The following PEX5L variants were observed in gnomAD, a reference collection of about 807,000 sequenced individuals.
PEX5L encodes peroxisomal biogenesis factor 5 like.
In PEX5L, 30 loss-of-function variants were observed where a neutral mutation model predicts 84.0. The ratio of observed to expected loss-of-function variants is 0.36; its 90% confidence interval spans 0.27 to 0.48. PEX5L has a LOEUF of 0.48. PEX5L is among the 20% of genes least tolerant of loss of function. The probability of loss-of-function intolerance (pLI) is 0.99; values close to 1 mark genes in which losing one functional copy is unlikely to be tolerated. For missense variants in PEX5L, 533 were observed against 754.6 expected (o/e 0.71, Z 3.44); for synonymous variants, 270 against 283.1 (o/e 0.95, Z 0.46).
chr3:179,848,504 G>T, intron 8 of PEX5L, among the ~76,000 whole-genome samples: 1 of 141,932 alleles, frequency 7.0e-6, no homozygotes, highest in South Asian at 2.2e-4. Context: ...ACTGAACTGA[G>T]ATCATGCCAC....
chr3:179,821,347 G>A (rs745870256), intron 8 of PEX5L, among the ~76,000 whole-genome samples: 7 of 152,176 alleles, frequency 4.6e-5, no homozygotes, highest in Admixed American at 6.5e-5. Context: ...TCGAAATCCT[G>A]TGACTTGTTG....
chr3:180,005,858 C>T (rs776537058), intron 1 of PEX5L, among the ~76,000 whole-genome samples: 2 of 152,190 alleles, frequency 1.3e-5, no homozygotes, highest in Non-Finnish European at 2.9e-5. Context: ...CCATTGTGCT[C>T]AGCTAGGTGA....
At chr3:179,941,186 T>C (rs543469723) in intron 2 of PEX5L, among the ~76,000 whole-genome samples, 2 of 152,352 alleles carry the variant, frequency 1.3e-5, no homozygotes, top group African/African-American at 4.8e-5. Context: ...ATTTGTTTAT[T>C]TTATTGTGTT....
At chr3:179,878,121 T>C (rs1306679307) in intron 5 of PEX5L, among the ~76,000 whole-genome samples, 1 of 152,226 alleles carries the variant, frequency 6.6e-6, no homozygotes, top group Non-Finnish European at 1.5e-5. Flanking sequence ...AGAAGTCCCA[T>C]AGTTTCCTCA....
intron 1 of PEX5L, among the ~76,000 whole-genome samples, chr3:179,985,760 T>G (rs977267683): frequency 9.9e-5 from 15 of 152,084 alleles, no homozygotes; most frequent in African/African-American, 3.4e-4. Flanking sequence ...ATTTGAATGG[T>G]CCAGATGGAT....
intron 1 of PEX5L, among the ~76,000 whole-genome samples, chr3:180,035,410 T>C (rs1791817273): frequency 6.6e-6 from 1 of 152,188 alleles, no homozygotes; most frequent in Non-Finnish European, 1.5e-5. Flanking sequence ...ATAATCACAT[T>C]AATAATTTTC....
intron 2 of PEX5L, among the ~76,000 whole-genome samples, chr3:179,947,340 T>C (rs1322470591): frequency 6.6e-6 from 1 of 152,090 alleles, no homozygotes; most frequent in African/African-American, 2.4e-5. Context: ...TACACAATAA[T>C]TATCGTTACC....
At chr3:179,996,514 G>A (rs1002392236) in intron 1 of PEX5L, among the ~76,000 whole-genome samples, 17 of 152,162 alleles carry the variant, frequency 1.1e-4, no homozygotes, top group African/African-American at 3.1e-4. Flanking sequence ...TGTAGAGGAA[G>A]GGATCCAAAA....
rs35082123 is a variant in PEX5L at position 179,809,671 on chromosome 3, GA to G, written c.1155-4del. ...TGTTGGGCTGTAATTCTAAGCACCT[GA>G]AAAAAAAAAAGAAGCCAATTTCAGA... On this transcript the variant is annotated splice_region_variant and splice_polypyrimidine_tract_variant and intron_variant, in intron 11 of 14. Coordinates refer to ENST00000467460, the MANE Select transcript of PEX5L (RefSeq NM_016559.3). The G allele has an allele frequency of 1.7e-3, 2,327 of 1,384,664 alleles. No individual in the cohort carries two copies. The highest frequency in any genetic ancestry group is 2.4e-3 in the Middle Eastern group (10 of 4,108). The allele number at this position is 1,384,664 out of a possible 1,614,324, so 85.8% of individuals were successfully genotyped here. A position where few individuals can be genotyped will look rare whatever the true frequency, so the allele number is the denominator to read the frequency against.
At chr3:180,002,059 C>T (rs1192616179) in intron 1 of PEX5L, among the ~76,000 whole-genome samples, 1 of 152,158 alleles carries the variant, frequency 6.6e-6, no homozygotes, top group Non-Finnish European at 1.5e-5. Flanking sequence ...AATCCATCTT[C>T]ATAGCTCTAT....
intron 10 of PEX5L, among the ~76,000 whole-genome samples, chr3:179,814,439 T>C (rs566164500): frequency 7.2e-5 from 11 of 152,330 alleles, no homozygotes; most frequent in Non-Finnish European, 1.5e-4. Flanking sequence ...GTCCCATGGC[T>C]AACAGGTAGA....
intron 1 of PEX5L, among the ~76,000 whole-genome samples, chr3:180,024,300 G>A (rs1790701795): frequency 6.9e-6 from 1 of 145,914 alleles, no homozygotes; most frequent in African/African-American, 2.6e-5. Flanking sequence ...ACGAGGTCAG[G>A]AGATTGAGAC....
At chr3:180,017,740 AT>A (rs113742360) in intron 1 of PEX5L, among the ~76,000 whole-genome samples, 3,832 of 152,212 alleles carry the variant, frequency 0.025, 187 homozygotes, top group African/African-American at 0.088. Flanking sequence ...ATAAGAGGGA[AT>A]ATCATAAAGC....
chr3:179,858,479 TA>T (rs1744845600), intron 8 of PEX5L, among the ~76,000 whole-genome samples: 2 of 152,120 alleles, frequency 1.3e-5, no homozygotes, highest in Non-Finnish European at 2.9e-5. Context: ...ATTAGAAGAC[TA>T]AATACAGAAA....
chr3:179,958,464 T>C (rs1458435033), intron 2 of PEX5L, among the ~76,000 whole-genome samples: 1 of 152,146 alleles, frequency 6.6e-6, no homozygotes, highest in Non-Finnish European at 1.5e-5. Flanking sequence ...ATTAAATGAG[T>C]AATATACAAA....
At chr3:179,888,589 C>T (rs556035064) in intron 3 of PEX5L, among the ~76,000 whole-genome samples, 46 of 150,560 alleles carry the variant, frequency 3.1e-4, no homozygotes, top group Middle Eastern at 6.9e-3. Flanking sequence ...TATGTTTCTA[C>T]GGTTAAGGGA....
At chr3:179,885,966 A>G (rs1176986141) in intron 4 of PEX5L, among the ~76,000 whole-genome samples, 1 of 152,222 alleles carries the variant, frequency 6.6e-6, no homozygotes, top group Non-Finnish European at 1.5e-5. Context: ...CATTGTAGAT[A>G]TTGGGATTGC....
chr3:180,031,627 C>T (rs565939067), intron 1 of PEX5L, among the ~76,000 whole-genome samples: 19 of 152,262 alleles, frequency 1.2e-4, no homozygotes, highest in Admixed American at 5.2e-4. Flanking sequence ...TTACATTTAG[C>T]GTTAGAATTG....
chr3:180,024,373 T>TATATATATATATATATATATATATATAC (rs1396023654), intron 1 of PEX5L, among the ~76,000 whole-genome samples: 58 of 78,906 alleles, frequency 7.4e-4, no homozygotes, highest in Middle Eastern at 5.2e-3. Flanking sequence ...TATATATATA[T>TATATATATATATATATATATATATATAC]ACACACACAA....
Sources: gnomAD v4.1 joint callset for allele counts (sites outside exome capture counted in the v4.1 genomes callset) on GRCh38, gnomAD v4.1.1 for gene constraint, MANE v1.5 for transcripts, NCBI Gene and HGNC (gene_info 2026-07-23, HGNC 2026-07-21) for gene names.